Variants in BNC2 observed in about 807,000 individuals in gnomAD.
The protein encoded by BNC2 is zinc finger protein basonuclin-2.
In BNC2, 20 loss-of-function variants were observed where a neutral mutation model predicts 76.3. That is an observed-to-expected ratio of 0.26 (90% CI 0.18 to 0.38). The LOEUF (loss-of-function observed/expected upper bound fraction) is 0.38, where lower values mean the gene tolerates loss of function less well. Ranked by LOEUF, BNC2 falls within the 10% of genes least tolerant of loss-of-function variation. The pLI is 1.00. For synonymous variants in BNC2, 582 were observed against 514.8 expected (o/e 1.13, Z -1.77); for missense variants, 1,382 against 1,399.8 (o/e 0.99, Z 0.20).
chr9:16,581,961 T>TCA (rs1471551764), intron 4 of BNC2, among the ~76,000 whole-genome samples: 1 of 152,080 alleles, frequency 6.6e-6, no homozygotes, highest in African/African-American at 2.4e-5. Context: ...CGCAACTCCA[T>TCA]CACACACGCC....
intron 3 of BNC2, among the ~76,000 whole-genome samples, chr9:16,722,110 T>G (rs989644204): frequency 3.3e-5 from 5 of 152,162 alleles, no homozygotes; most frequent in Admixed American, 1.3e-4. Context: ...AGAATTTGTG[T>G]TTTTCATTCA....
At chr9:16,569,865 C>A (rs1409162243) in intron 4 of BNC2, among the ~76,000 whole-genome samples, 6 of 152,328 alleles carry the variant, frequency 3.9e-5, no homozygotes, top group African/African-American at 1.4e-4. Flanking sequence ...TCTATCCAAT[C>A]TCCAGTTGCC....
At chr9:16,841,211 AC>A (rs1818817778) in intron 1 of BNC2, among the ~76,000 whole-genome samples, 1 of 152,172 alleles carries the variant, frequency 6.6e-6, no homozygotes, top group Non-Finnish European at 1.5e-5. Flanking sequence ...GCTGATCCTT[AC>A]CCAAACTATG....
chr9:16,599,904 A>G (rs2133284018), intron 3 of BNC2, among the ~76,000 whole-genome samples: 1 of 152,370 alleles, frequency 6.6e-6, no homozygotes, highest in South Asian at 2.1e-4. Flanking sequence ...TACAAGCACC[A>G]TAGGACAAGC....
intron 4 of BNC2, among the ~76,000 whole-genome samples, chr9:16,560,272 C>G (rs1818969363): frequency 6.6e-6 from 1 of 152,300 alleles, no homozygotes; most frequent in African/African-American, 2.4e-5. Flanking sequence ...GAATGTAACA[C>G]TTGCAGCAAA....
At chr9:16,747,159 G>T (rs183206697) in intron 1 of BNC2, among the ~76,000 whole-genome samples, 1 of 152,026 alleles carries the variant, frequency 6.6e-6, no homozygotes, top group Admixed American at 6.6e-5. Context: ...TTGACATTTG[G>T]CCAAGTTAGG....
chr9:16,498,190 C>CAT (rs1340512693), intron 5 of BNC2, among the ~76,000 whole-genome samples: 32 of 133,858 alleles, frequency 2.4e-4, no homozygotes, highest in Non-Finnish European at 3.8e-4. Flanking sequence ...TATATTCCAT[C>CAT]ATATATATAT....
chr9:16,674,089 A>G (rs1490381830), intron 3 of BNC2, among the ~76,000 whole-genome samples: 1 of 152,206 alleles, frequency 6.6e-6, no homozygotes, highest in Non-Finnish European at 1.5e-5. Flanking sequence ...AAAGCCTTTT[A>G]GATATATAAG....
intron 1 of BNC2, among the ~76,000 whole-genome samples, chr9:16,851,344 C>CAA (rs58515916): frequency 3.8e-4 from 55 of 143,210 alleles, no homozygotes; most frequent in Admixed American, 1.1e-3. Context: ...CTTGTCTCTA[C>CAA]AAAAAAAAAA....
chr9:16,571,603 T>C (rs2132855485), intron 4 of BNC2, among the ~76,000 whole-genome samples: 1 of 152,292 alleles, frequency 6.6e-6, no homozygotes. Flanking sequence ...AGTTTCCCCT[T>C]GTCTCCTGTC....
At chr9:16,521,854 T>C (rs1193465395) in intron 5 of BNC2, among the ~76,000 whole-genome samples, 1 of 152,330 alleles carries the variant, frequency 6.6e-6, no homozygotes. Context: ...TGCAACCGTT[T>C]TTAAATACTC....
chr9:16,468,428 G>A (rs939835986), intron 5 of BNC2, among the ~76,000 whole-genome samples: 3 of 149,992 alleles, frequency 2.0e-5, no homozygotes, highest in Non-Finnish European at 4.4e-5. Context: ...ATGGAGTCTC[G>A]CTCTGTCACC....
At chr9:16,727,752 T>G (rs1478796967) in intron 3 of BNC2, 45 bp downstream of exon 3, 14 of 1,543,908 alleles carry the variant, frequency 9.1e-6, no homozygotes, top group Non-Finnish European at 1.2e-5. Context: ...AATTCAAGGT[T>G]TCTTAAAAAA....
chr9:16,762,474 A>T (rs2135392527), intron 1 of BNC2, among the ~76,000 whole-genome samples: 1 of 152,300 alleles, frequency 6.6e-6, no homozygotes, highest in East Asian at 1.9e-4. Context: ...AAACCCCTGG[A>T]TGTGCACATT....
intron 3 of BNC2, among the ~76,000 whole-genome samples, chr9:16,590,719 A>G (rs1429649486): frequency 7.2e-5 from 11 of 152,062 alleles, no homozygotes; most frequent in Admixed American, 7.2e-4. Context: ...AGGCGGGAAG[A>G]CTGCTTGAGC....
chr9:16,652,819 A>T (rs1180401318), intron 3 of BNC2, among the ~76,000 whole-genome samples: 1 of 152,182 alleles, frequency 6.6e-6, no homozygotes, highest in Non-Finnish European at 1.5e-5. Flanking sequence ...ATTGTTAGTC[A>T]AAATAAAACA....
At chr9:16,736,214 CAAA>C (rs56153442) in intron 2 of BNC2, among the ~76,000 whole-genome samples, 1 of 106,770 alleles carries the variant, frequency 9.4e-6, no homozygotes, top group African/African-American at 3.5e-5. Context: ...ACTCTGTTTC[CAAA>C]AAAAAAAAAA....
chr9:16,585,730 C>T (rs1010541224), intron 3 of BNC2, among the ~76,000 whole-genome samples: 9 of 152,104 alleles, frequency 5.9e-5, no homozygotes, highest in African/African-American at 2.2e-4. Context: ...ATAAAACTAT[C>T]AAAACCAGTT....
At chr9:16,856,147 T>C (rs1168196244) in intron 1 of BNC2, among the ~76,000 whole-genome samples, 1 of 152,062 alleles carries the variant, frequency 6.6e-6, no homozygotes, top group East Asian at 1.9e-4. Flanking sequence ...AACCCTGCCC[T>C]TCCCCTCCAA....
Sources: gnomAD v4.1 joint callset for allele counts (sites outside exome capture counted in the v4.1 genomes callset) on GRCh38, gnomAD v4.1.1 for gene constraint, MANE v1.5 for transcripts, NCBI Gene and HGNC (gene_info 2026-07-23, HGNC 2026-07-21) for gene names.